Variants in IL4R observed in about 807,000 individuals in gnomAD.
The protein encoded by IL4R is interleukin-4 receptor subunit alpha.
IL4R carries 17 observed loss-of-function variants against 41.5 expected under a neutral mutation model. The ratio of observed to expected loss-of-function variants is 0.41; its 90% CI spans 0.28 to 0.61. The LOEUF (loss-of-function observed/expected upper bound fraction) is 0.61. Among genes scored for constraint, IL4R ranks in the 20% least tolerant of loss-of-function variants. The probability of loss-of-function intolerance (pLI) is 0.31; values close to 1 mark genes in which losing one functional copy is unlikely to be tolerated. For missense variants in IL4R, 974 were observed against 1,043.1 expected (o/e 0.93, Z 0.91); for synonymous variants, 402 against 422.9 (o/e 0.95, Z 0.61).
intron 5 of IL4R, among the ~76,000 whole-genome samples, chr16:27,346,140 CTTGAGCCCTGGGCTA>C (rs1436033674): frequency 1.3e-5 from 2 of 151,860 alleles, no homozygotes; most frequent in East Asian, 3.9e-4. Context: ...AGGCAGATCA[CTTGAGCCCTGGGCTA>C]TTGAGGCTGC....
Position 27,340,185 on chromosome 16 carries a change from G to A in IL4R, c.-18-1G>A. 6.2e-7 allele frequency: 1 copy of A among 1,611,050 alleles called. No individual in the cohort carries two copies. Among genetic ancestry groups the A allele is most frequent in the Non-Finnish European group, 8.5e-7 (1 of 1,178,424 alleles). Reference sequence around the variant, plus strand: ...CTAACCTGCTTCCTCTCTCTCTGCAGGTGCCTTGGCATCTCCCAATGGGGT... The same window carrying A: ...CTAACCTGCTTCCTCTCTCTCTGCAAGTGCCTTGGCATCTCCCAATGGGGT... On this transcript the variant is annotated splice_acceptor_variant, in intron 2 of 10. Transcript: ENST00000395762. LOFTEE classifies it low-confidence loss of function (5UTR_SPLICE).
chr16:27,348,254 G>C (rs3024584), intron 6 of IL4R, among the ~76,000 whole-genome samples: 2 of 152,120 alleles, frequency 1.3e-5, no homozygotes, highest in African/African-American at 4.8e-5. Flanking sequence ...CTCAGAAAGC[G>C]GGGGGCATGG....
chr16:27,343,997 T>C (rs2085529568), intron 4 of IL4R, among the ~76,000 whole-genome samples: 1 of 152,076 alleles, frequency 6.6e-6, no homozygotes, highest in Admixed American at 6.6e-5. Flanking sequence ...ATCTGAGGCT[T>C]GCCATCAAAA....
intron 1 of IL4R, among the ~76,000 whole-genome samples, chr16:27,324,692 C>G (rs954982471): frequency 2.6e-5 from 4 of 152,256 alleles, no homozygotes; most frequent in Admixed American, 6.5e-5. Flanking sequence ...TCCTCAGGCT[C>G]TGTTTCCTCC....
intron 7 of IL4R, among the ~76,000 whole-genome samples, chr16:27,353,545 G>A (rs145587918): frequency 1.3e-5 from 2 of 152,302 alleles, no homozygotes; most frequent in Admixed American, 6.5e-5. Context: ...TACTGAAATT[G>A]TGATGTGATA....
At position 27,363,801 on chromosome 16, in the gene IL4R, G is replaced by A. The variant is rs779980712; in HGVS notation, c.2449G>A (p.Val817Met). 5 of 1,606,466 alleles carry A rather than the reference G, an allele frequency of 3.1e-6. No homozygotes were observed. The highest frequency in any genetic ancestry group is 2.2e-5 in the East Asian group (1 of 44,892). ...CCCCAAAATCGTGAACTTTGTCTCC[G>A]TGGGACCCACATACATGAGGGTCTC... ...QTPKIVNFVS[V>M]GPTYMRVS The change falls in exon 11 of 11, where the codon GTG (valine) becomes ATG (methionine). Residue 817 changes from valine (V) to methionine (M), a missense_variant. Physicochemically the swap from Val to Met is conservative, Grantham distance 21. This residue lies in a region of IL4R where 682 missense variants were observed against 704.3 expected (regional missense o/e 0.97). Coordinates refer to ENST00000395762, the MANE Select transcript of IL4R (RefSeq NM_000418.4).
intron 8 of IL4R, 113 bp downstream of exon 8, chr16:27,356,020 T>C: frequency 1.5e-6 from 1 of 678,252 alleles, no homozygotes; most frequent in Non-Finnish European, 2.6e-6. Context: ...ACGCATTTAC[T>C]GAGCAGCTAC....
At chr16:27,353,838 G>C (rs2085960136) in intron 7 of IL4R, among the ~76,000 whole-genome samples, 2 of 152,134 alleles carry the variant, frequency 1.3e-5, no homozygotes, top group Non-Finnish European at 2.9e-5. Context: ...CTAGGTGTGA[G>C]AGGTTAGGGA....
At chr16:27,336,853 C>T (rs942569751) in intron 2 of IL4R, among the ~76,000 whole-genome samples, 10 of 151,772 alleles carry the variant, frequency 6.6e-5, no homozygotes, top group East Asian at 1.9e-4. Context: ...CTGAGGCAGG[C>T]GGATCACCTG....
chr16:27,340,976 G>A (rs1401325899), intron 3 of IL4R: 1 of 467,658 alleles, frequency 2.1e-6, no homozygotes, highest in Non-Finnish European at 4.1e-6. Context: ...GCAGGAGGGA[G>A]CAGTGAAGGT....
chr16:27,314,616 C>G (rs2141037112), intron 1 of IL4R, among the ~76,000 whole-genome samples: 1 of 152,300 alleles, frequency 6.6e-6, no homozygotes, highest in African/African-American at 2.4e-5. Flanking sequence ...GTCACCAAGA[C>G]CCCAGCCGCT....
chr16:27,344,752 T>C, intron 4 of IL4R, 117 bp from the exon 5 acceptor site: 1 of 1,090,070 alleles, frequency 9.2e-7, no homozygotes, highest in South Asian at 1.5e-5. Context: ...TGTCCTCACA[T>C]CCGTGATCGG....
intron 7 of IL4R, 125 bp downstream of exon 7, chr16:27,352,821 C>A: frequency 1.1e-6 from 1 of 943,548 alleles, no homozygotes; most frequent in Non-Finnish European, 1.6e-6. Flanking sequence ...GCAATCCTGC[C>A]ATTAGATACA....
intron 1 of IL4R, chr16:27,318,835 G>A (rs922521795): frequency 6.6e-6 from 1 of 152,274 alleles, no homozygotes. Flanking sequence ...AGTTCCTGGT[G>A]GGGAGGGGCT....
intron 1 of IL4R, among the ~76,000 whole-genome samples, chr16:27,316,884 T>C (rs1035057573): frequency 6.6e-6 from 1 of 151,624 alleles, no homozygotes; most frequent in African/African-American, 2.4e-5. Context: ...TAGTACAAAC[T>C]ATGTATTTGT....
At chr16:27,350,585 G>A (rs1330864070) in intron 6 of IL4R, among the ~76,000 whole-genome samples, 1 of 152,110 alleles carries the variant, frequency 6.6e-6, no homozygotes, top group Admixed American at 6.6e-5. Flanking sequence ...GGAGAGGGAG[G>A]TGCATAGCCC....
chr16:27,318,711 T>C (rs969490575), intron 1 of IL4R: 1 of 152,242 alleles, frequency 6.6e-6, no homozygotes, highest in African/African-American at 2.4e-5. Context: ...GCCTGGGTGC[T>C]GTAACCTCTC....
intron 8 of IL4R, among the ~76,000 whole-genome samples, chr16:27,357,527 G>A (rs570224442): frequency 1.3e-5 from 2 of 152,126 alleles, no homozygotes; most frequent in South Asian, 2.1e-4. Flanking sequence ...GCAGTGGTGC[G>A]ATCTCGACTC....
At chr16:27,359,056 C>A in intron 9 of IL4R, 62 bp downstream of exon 9, 1 of 1,294,786 alleles carries the variant, frequency 7.7e-7, no homozygotes, top group South Asian at 1.2e-5. Flanking sequence ...TGGTTCAGAA[C>A]ACCTGGGCTG....
Sources: gnomAD v4.1 joint callset for allele counts (sites outside exome capture counted in the v4.1 genomes callset) on GRCh38, gnomAD v4.1.1 for gene constraint, gnomAD v4.1.1 regional missense constraint, MANE v1.5 for transcripts, NCBI Gene and HGNC (gene_info 2026-07-23, HGNC 2026-07-21) for gene names.